ANKS3: variants seen among roughly 807,000 people sequenced by gnomAD.
ANKS3 encodes ankyrin repeat and SAM domain-containing protein 3.
In ANKS3, 62 loss-of-function variants were observed where a neutral mutation model predicts 80.7. That is an observed-to-expected ratio of 0.77 (90% CI 0.63 to 0.95). ANKS3 has a LOEUF of 0.95. Among genes scored for constraint, ANKS3 ranks in the 40% least tolerant of loss-of-function variants. The pLI, the probability that ANKS3 is intolerant of heterozygous loss-of-function variation, is 0.00. For synonymous variants in ANKS3, 489 were observed against 355.3 expected, an observed-to-expected ratio of 1.38 and a Z score of -4.23; for missense variants, 1,150 against 883.6, an observed-to-expected ratio of 1.30 and a Z score of -3.82.
intron 6 of ANKS3, among the ~76,000 whole-genome samples, chr16:4,720,620 A>G (rs892276413): frequency 1.3e-5 from 2 of 151,348 alleles, no homozygotes; most frequent in African/African-American, 2.4e-5. Context: ...AGAAATTCCC[A>G]TATGTGCTTA....
At chr16:4,727,810 T>C (rs2081429210) in intron 3 of ANKS3, 4 of 153,306 alleles carry the variant, frequency 2.6e-5, no homozygotes, top group African/African-American at 4.8e-5. Context: ...TTCTCACTGA[T>C]TGCTGTTAAA....
At chr16:4,711,207 G>C (rs151145943) in intron 7 of ANKS3, among the ~76,000 whole-genome samples, 1,943 of 150,938 alleles carry the variant, frequency 0.013, 44 homozygotes, top group African/African-American at 0.044. Flanking sequence ...GGGTTCAAGG[G>C]ATTCTCCCAC....
chr16:4,701,057 C>T lies in ANKS3; in HGVS notation c.1197G>A (p.Gln399=), dbSNP rs544466108. 2.5e-6 allele frequency: 4 copies of T among 1,614,104 alleles called. No homozygotes were observed. Among genetic ancestry groups the T allele is most frequent in the Non-Finnish European group, 3.4e-6 (4 of 1,180,032 alleles). The change falls in exon 11 of 18, where the codon CAG becomes CAA. Residue 399 remains glutamine, a synonymous_variant. Transcript: ENST00000304283. The part of the protein sequence containing the change: ...SYMKTKNPDS[Q]WPPRAATDRE... The stretch of plus-strand genomic sequence containing the variant: ...TGTCAGTTGCAGCGCGGGGAGGCCA[C>T]TGGCTGTCAGGATTCTTGGTCTTCA...
At chr16:4,728,699 C>T (rs2081479657) in intron 3 of ANKS3, among the ~76,000 whole-genome samples, 1 of 152,072 alleles carries the variant, frequency 6.6e-6, no homozygotes, top group Non-Finnish European at 1.5e-5. Flanking sequence ...CCCATCACAA[C>T]ACAAACGCCT....
At chr16:4,708,132 T>G (rs973511108) in intron 7 of ANKS3, among the ~76,000 whole-genome samples, 13 of 151,414 alleles carry the variant, frequency 8.6e-5, no homozygotes, top group African/African-American at 1.2e-4. Context: ...TATATATATA[T>G]ATAGATAGAT....
In ANKS3 at chr16:4,696,530, T is replaced by C. The variant is rs2079563228; in HGVS notation, c.*378A>G. 5.8e-6 allele frequency: 1 copy of C among 172,472 alleles called. No homozygotes were observed. The highest frequency in any genetic ancestry group is 1.2e-5 in the Non-Finnish European group (1 of 80,292). 10.7% of individuals were successfully genotyped at this position (172,472 alleles called of 1,614,324 possible). On this transcript the variant is annotated 3_prime_UTR_variant, in exon 18 of 18. Coordinates refer to ENST00000304283, the MANE Select transcript of ANKS3 (RefSeq NM_133450.4). ...CTTCACTAGCTGTTCTTAAATTTTA[T>C]TTTCCAAAAAATGGCATTTTCCAGG...
chr16:4,703,824 T>G (rs1403577149), intron 8 of ANKS3, among the ~76,000 whole-genome samples: 3 of 152,136 alleles, frequency 2.0e-5, no homozygotes, highest in Non-Finnish European at 2.9e-5. Context: ...ACCACCACCA[T>G]GATTACTTCT....
At chr16:4,706,904 G>A (rs2080224015) in intron 7 of ANKS3, among the ~76,000 whole-genome samples, 1 of 152,214 alleles carries the variant, frequency 6.6e-6, no homozygotes, top group Admixed American at 6.5e-5. Flanking sequence ...CAAACTGACA[G>A]GACAACTCAG....
At chr16:4,721,874 G>C (rs144059834) in intron 6 of ANKS3, among the ~76,000 whole-genome samples, 61 of 151,308 alleles carry the variant, frequency 4.0e-4, no homozygotes, top group African/African-American at 1.4e-3. Flanking sequence ...GACCTCAAGT[G>C]ATCTGTCTGC....
intron 1 of ANKS3, 140 bp downstream of exon 1, chr16:4,733,798 T>G: frequency 2.3e-6 from 1 of 430,302 alleles, no homozygotes; most frequent in Middle Eastern, 1.2e-3. Flanking sequence ...TTAACAAATG[T>G]GATGCTGGTG....
At chr16:4,714,989 T>TC (rs1198535917) in intron 6 of ANKS3, among the ~76,000 whole-genome samples, 20 of 16,108 alleles carry the variant, frequency 1.2e-3, no homozygotes, top group African/African-American at 4.4e-3. Context: ...AGACTCTGTC[T>TC]CAAAAAAAAA....
chr16:4,723,345 T>A (rs1367171063), intron 6 of ANKS3, among the ~76,000 whole-genome samples: 1 of 152,250 alleles, frequency 6.6e-6, no homozygotes, highest in South Asian at 2.1e-4. Flanking sequence ...TATTTGCTTA[T>A]TCTGGACATT....
Position 4,697,119 on chromosome 16 carries a change from C to A in ANKS3, c.1895-15G>T, listed in dbSNP as rs1037806759. The A allele has an allele frequency of 1.9e-6, 3 of 1,612,214 alleles. No homozygotes were observed. Among genetic ancestry groups the A allele is most frequent in the Middle Eastern group, 1.7e-4 (1 of 6,056 alleles). On this transcript the variant is annotated splice_polypyrimidine_tract_variant and intron_variant, in intron 16 of 17. Coordinates refer to ENST00000304283, the MANE Select transcript of ANKS3 (RefSeq NM_133450.4). Reference sequence around the variant, plus strand: ...CAGTGCTTGCCCTGAGGAATGATGACCTTGAGCCTCTCCCGGCCAGGCTCA... The same window carrying A: ...CAGTGCTTGCCCTGAGGAATGATGAACTTGAGCCTCTCCCGGCCAGGCTCA...
chr16:4,697,079 C>G lies in ANKS3; in HGVS notation c.1920G>C (p.Gln640His), dbSNP rs1422781681. 1.9e-6 allele frequency: 3 copies of G among 1,613,810 alleles called. No homozygotes were observed. Among genetic ancestry groups the G allele is most frequent in the East Asian group, 4.5e-5 (2 of 44,896 alleles). Residue 640 changes from glutamine (Q) to histidine (H), a missense_variant, in exon 17 of 18, where the codon CAG becomes CAC. By Grantham distance (24) the Gln-to-His change is conservative. Transcript: ENST00000304283. ...EMGQALCLVT[Q>H]SLEKLQVLNG... ...TCAGCACCTGCAGCTTCTCCAGGCT[C>G]TGGGTCACTAAGCACAGTGCTTGCC...
At chr16:4,707,701 T>A (rs2080271620) in intron 7 of ANKS3, among the ~76,000 whole-genome samples, 1 of 152,164 alleles carries the variant, frequency 6.6e-6, no homozygotes, top group Non-Finnish European at 1.5e-5. Flanking sequence ...ATAGGTAATT[T>A]TGTAGAAAAT....
chr16:4,714,539 C>G (rs186609636), intron 6 of ANKS3, among the ~76,000 whole-genome samples: 8 of 152,354 alleles, frequency 5.3e-5, no homozygotes, highest in Admixed American at 4.6e-4. Context: ...AGAAAGCAGC[C>G]TTTTAAACCA....
intron 11 of ANKS3, chr16:4,699,959 G>C (rs972074199): frequency 6.6e-6 from 1 of 152,358 alleles, no homozygotes; most frequent in Admixed American, 6.5e-5. Flanking sequence ...TTTTCTGAAA[G>C]AAACATACTT....
At chr16:4,728,266 C>T (rs1053025479) in intron 3 of ANKS3, among the ~76,000 whole-genome samples, 1 of 152,126 alleles carries the variant, frequency 6.6e-6, no homozygotes, top group African/African-American at 2.4e-5. Context: ...AGGATGGTCT[C>T]GATCTCCTGA....
intron 5 of ANKS3, among the ~76,000 whole-genome samples, chr16:4,726,132 T>A (rs1389226904): frequency 1.3e-5 from 2 of 151,312 alleles, no homozygotes; most frequent in Non-Finnish European, 2.9e-5. Context: ...CCCGTCACCA[T>A]GCCCAGCTAA....
Sources: allele counts gnomAD v4.1 joint callset (sites outside exome capture counted in the v4.1 genomes callset), GRCh38; gene constraint gnomAD v4.1.1; transcripts MANE v1.5; gene names NCBI Gene and HGNC (gene_info 2026-07-23, HGNC 2026-07-21).